Variants in CTNNA3 observed in about 807,000 individuals in gnomAD.
The protein encoded by CTNNA3 is catenin alpha 3, also known as catenin alpha-3.
Under a neutral mutation model 95.7 loss-of-function variants are expected in CTNNA3, and 76 were observed. The observed-to-expected ratio is 0.79, with a 90% CI of 0.66 to 0.96. The LOEUF (loss-of-function observed/expected upper bound fraction) is 0.96. Among genes scored for constraint, CTNNA3 ranks in the 40% least tolerant of loss-of-function variants. CTNNA3 has a pLI of 0.00. For synonymous variants in CTNNA3, 431 were observed against 374.4 expected, an observed-to-expected ratio of 1.15 and a Z score of -1.74; for missense variants, 1,191 against 1,089.8, an observed-to-expected ratio of 1.09 and a Z score of -1.31.
chr10:66,091,198 T>C (rs1437522352), intron 14 of CTNNA3, among the ~76,000 whole-genome samples: 15 of 151,990 alleles, frequency 9.9e-5, no homozygotes, highest in Non-Finnish European at 1.5e-5. Flanking sequence ...GCTAGCCAGA[T>C]GTCTACCACA....
At chr10:66,996,248 C>T (rs977368649) in intron 7 of CTNNA3, among the ~76,000 whole-genome samples, 12 of 152,122 alleles carry the variant, frequency 7.9e-5, no homozygotes, top group African/African-American at 1.2e-4. Context: ...AAAATTTTAA[C>T]GCATCTTGAA....
intron 5 of CTNNA3, among the ~76,000 whole-genome samples, chr10:67,510,596 G>C (rs1442412308): frequency 6.6e-6 from 1 of 152,064 alleles, no homozygotes; most frequent in Non-Finnish European, 1.5e-5. Context: ...GGTTACTGCA[G>C]CCTTGTAGTA....
chr10:66,857,448 G>A (rs1843726894), intron 7 of CTNNA3, among the ~76,000 whole-genome samples: 1 of 151,646 alleles, frequency 6.6e-6, no homozygotes, highest in African/African-American at 2.4e-5. Flanking sequence ...TGTGAAGAAT[G>A]TTTTTGGTAG....
At chr10:66,259,421 A>G (rs1564819948) in intron 13 of CTNNA3, among the ~76,000 whole-genome samples, 1 of 152,302 alleles carries the variant, frequency 6.6e-6, no homozygotes, top group Non-Finnish European at 1.5e-5. Context: ...AAAGGGTCAA[A>G]GATTTGACCA....
At chr10:66,805,906 T>C (rs1841621546) in intron 7 of CTNNA3, among the ~76,000 whole-genome samples, 1 of 152,092 alleles carries the variant, frequency 6.6e-6, no homozygotes, top group African/African-American at 2.4e-5. Context: ...TCGATCAAGT[T>C]CCTGTGATAC....
rs567771870 is a variant in CTNNA3 at position 65,997,013 on chromosome 10, C to A, written c.2160-8216G>T. 1.8e-4 allele frequency among the ~76,000 whole-genome samples: 25 copies of A among 141,738 alleles called. No individual in the cohort carries two copies. In the South Asian group the frequency reaches 2.7e-3, roughly 16 times the overall value. The allele number at this position is 141,738 out of a possible 152,430, so 93.0% of individuals were successfully genotyped here. On this transcript the variant is annotated intron_variant, in intron 15 of 17. Transcript: ENST00000433211. ...TTTAAATCTGTTTTTACAGTCTTTC[C>A]ATTAATTGTGTTTTTTTTAATCCCA...
intron 15 of CTNNA3, among the ~76,000 whole-genome samples, chr10:66,035,738 A>C (rs555751674): frequency 3.9e-5 from 6 of 152,204 alleles, no homozygotes; most frequent in African/African-American, 1.4e-4. Context: ...TGTGTCACTT[A>C]TATTCCCATA....
intron 7 of CTNNA3, among the ~76,000 whole-genome samples, chr10:66,809,021 G>A (rs1481249198): frequency 1.3e-5 from 2 of 152,048 alleles, no homozygotes; most frequent in African/African-American, 2.4e-5. Flanking sequence ...TGTCAGCATT[G>A]GTTACCTCCA....
In CTNNA3 at chr10:66,543,385, C is replaced by T. The variant is rs374172269; in HGVS notation, c.1375-22612G>A. On this transcript the variant is annotated intron_variant, in intron 10 of 17. Coordinates refer to ENST00000433211, the MANE Select transcript of CTNNA3 (RefSeq NM_013266.4). ...GATTACAGGCGTGAGCTACTGCACCCGCCCAGAATGCAGGTTTTTAATAAA... is the reference window on the plus strand; with the variant it reads ...GATTACAGGCGTGAGCTACTGCACCTGCCCAGAATGCAGGTTTTTAATAAA... Among the ~76,000 whole-genome samples the T allele has an allele frequency of 2.3e-4, 35 of 152,032 alleles. No individual in the cohort carries two copies. The South Asian group carries it at 6.2e-3, about 27-fold the overall frequency.
chr10:66,591,263 G>T (rs746269576), intron 10 of CTNNA3, among the ~76,000 whole-genome samples: 1 of 152,130 alleles, frequency 6.6e-6, no homozygotes, highest in Non-Finnish European at 1.5e-5. Flanking sequence ...GAATAGTACT[G>T]AGTGGTATAT....
chr10:66,332,586 C>T (rs187284443), intron 12 of CTNNA3, among the ~76,000 whole-genome samples: 75 of 152,152 alleles, frequency 4.9e-4, no homozygotes, highest in African/African-American at 1.7e-3. Flanking sequence ...CCCACTTGAT[C>T]ATGGTGGATA....
chr10:66,254,100 T>C (rs2090664963), intron 13 of CTNNA3, among the ~76,000 whole-genome samples: 1 of 152,142 alleles, frequency 6.6e-6, no homozygotes, highest in Admixed American at 6.6e-5. Context: ...CCTGAGACTT[T>C]TCTCAACAAT....
intron 7 of CTNNA3, among the ~76,000 whole-genome samples, chr10:66,830,844 C>A (rs1039468631): frequency 2.0e-5 from 3 of 152,098 alleles, no homozygotes; most frequent in Non-Finnish European, 4.4e-5. Context: ...CTCCTGACCT[C>A]GTGATCCGCC....
intron 9 of CTNNA3, among the ~76,000 whole-genome samples, chr10:66,738,350 A>G (rs1485452919): frequency 6.6e-6 from 1 of 152,128 alleles, no homozygotes; most frequent in African/African-American, 2.4e-5. Context: ...ACCACCTCCA[A>G]TGAATACTTT....
chr10:67,295,485 G>A (rs1051576533), intron 5 of CTNNA3, among the ~76,000 whole-genome samples: 3 of 152,168 alleles, frequency 2.0e-5, no homozygotes, highest in African/African-American at 7.2e-5. Context: ...TGAATCATAT[G>A]GGAAGTTAGG....
Position 67,053,334 on chromosome 10 carries a change from C to G in CTNNA3, c.1047+126983G>C, listed in dbSNP as rs201067448. Among the ~76,000 whole-genome samples the G allele has an allele frequency of 7.9e-5, 12 of 152,152 alleles. No individual in the cohort carries two copies. The East Asian group carries it at 1.2e-3, about 15-fold the overall frequency. On this transcript the variant is annotated intron_variant, in intron 7 of 17. Transcript: ENST00000433211. ...AGGACATTACTGGAAAAATCTGATT[C>G]CATTGATCTGAGGTGAGATAGAAGA...
chr10:66,978,541 A>ATAAAATAAAAATAAAAAAACT (rs1437563245), intron 7 of CTNNA3, among the ~76,000 whole-genome samples: 1 of 111,194 alleles, frequency 9.0e-6, no homozygotes, highest in Non-Finnish European at 1.9e-5. Flanking sequence ...AAAAAAAAAA[A>ATAAAATAAAAATAAAAAAACT]AAAAAAAAAA....
intron 9 of CTNNA3, among the ~76,000 whole-genome samples, chr10:66,646,252 G>T (rs1467094445): frequency 6.6e-6 from 1 of 152,098 alleles, no homozygotes; most frequent in Non-Finnish European, 1.5e-5. Context: ...TGAAAAAATA[G>T]AATATCCACT....
At chr10:66,729,275 T>C (rs1258921573) in intron 9 of CTNNA3, among the ~76,000 whole-genome samples, 1 of 152,154 alleles carries the variant, frequency 6.6e-6, no homozygotes, top group Non-Finnish European at 1.5e-5. Context: ...CCAGTCAGAA[T>C]AGCTATTAAA....
Sources: allele counts gnomAD v4.1 joint callset (sites outside exome capture counted in the v4.1 genomes callset), GRCh38; gene constraint gnomAD v4.1.1; transcripts MANE v1.5; gene names NCBI Gene and HGNC (gene_info 2026-07-23, HGNC 2026-07-21).